Variants in EIF4G3 observed in about 807,000 individuals in gnomAD.
EIF4G3 encodes eukaryotic translation initiation factor 4 gamma 3.
Under a neutral mutation model 186.4 loss-of-function variants are expected in EIF4G3, and 34 were observed. That is an observed-to-expected ratio of 0.18 (90% CI 0.14 to 0.24). EIF4G3 has a LOEUF of 0.24. Ranked by LOEUF, EIF4G3 falls within the 10% of genes least tolerant of loss-of-function variation. The pLI is 1.00. For synonymous variants in EIF4G3, 673 were observed against 679.5 expected (o/e 0.99, Z 0.15); for missense variants, 1,536 against 1,948.5 (o/e 0.79, Z 3.99).
In EIF4G3 at chr1:21,167,409, C is replaced by T. The variant is rs1180939445; in HGVS notation, c.-272+8766G>A. On this transcript the variant is annotated intron_variant, in intron 2 of 36. Transcript: ENST00000602326. ...AAATGCCAGACGCGATGGCTCACGC[C>T]TGTAATCCCAGCACTTTGGGAAGCT... is the stretch of plus-strand genomic sequence containing the variant. Among the ~76,000 whole-genome samples, 3 of 152,168 alleles carry T rather than the reference C, an allele frequency of 2.0e-5. No homozygotes were observed. The East Asian group carries it at 5.8e-4, about 29-fold the overall frequency.
chr1:21,159,903 C>T (rs1045215417), intron 2 of EIF4G3, among the ~76,000 whole-genome samples: 3 of 151,952 alleles, frequency 2.0e-5, no homozygotes, highest in African/African-American at 7.3e-5. Context: ...GTCAGGAGTT[C>T]AAGACCAGCC....
chr1:20,852,929 G>A (rs187669924), intron 27 of EIF4G3, among the ~76,000 whole-genome samples: 76 of 152,038 alleles, frequency 5.0e-4, no homozygotes, highest in African/African-American at 1.8e-3. Context: ...GAGACCAGGA[G>A]TTCAATGCCA....
intron 16 of EIF4G3, 50 bp downstream of exon 16, chr1:20,899,647 G>C (rs1572410258): frequency 1.3e-6 from 2 of 1,594,746 alleles, no homozygotes; most frequent in African/African-American, 1.4e-5. Context: ...TTTCTCTAAG[G>C]TTGCAGTAGA....
intron 3 of EIF4G3, among the ~76,000 whole-genome samples, chr1:21,067,131 C>CTTTTTTTTTT (rs1392802757): frequency 8.2e-6 from 1 of 122,654 alleles, no homozygotes; most frequent in Non-Finnish European, 1.7e-5. Flanking sequence ...TTTTTCTTTT[C>CTTTTTTTTTT]TTTTTTTTTT....
chr1:21,108,676 A>G (rs2096660044), intron 2 of EIF4G3, among the ~76,000 whole-genome samples: 1 of 148,684 alleles, frequency 6.7e-6, no homozygotes, highest in African/African-American at 2.5e-5. Flanking sequence ...GGCCAAGGCA[A>G]GCAGATTACC....
At chr1:20,979,073 C>T (rs139320757) in intron 10 of EIF4G3, among the ~76,000 whole-genome samples, 3 of 152,258 alleles carry the variant, frequency 2.0e-5, no homozygotes, top group Admixed American at 6.5e-5. Flanking sequence ...CAGATCAATG[C>T]TTACTGAATC....
At chr1:21,010,927 T>G (rs1206765582) in intron 4 of EIF4G3, among the ~76,000 whole-genome samples, 3 of 152,212 alleles carry the variant, frequency 2.0e-5, no homozygotes. Flanking sequence ...ATTATCACAG[T>G]GTGGTCCACA....
At chr1:21,057,380 G>C (rs1221709040) in intron 3 of EIF4G3, among the ~76,000 whole-genome samples, 3 of 152,078 alleles carry the variant, frequency 2.0e-5, no homozygotes, top group Non-Finnish European at 4.4e-5. Flanking sequence ...AAATGGTACT[G>C]AGTAAAAGAT....
At chr1:20,847,823 T>C (rs547951096) in intron 29 of EIF4G3, 49 of 471,672 alleles carry the variant, frequency 1.0e-4, no homozygotes, top group Non-Finnish European at 1.8e-4. Context: ...TCACTCATCA[T>C]CAAAAACTTC....
At chr1:20,854,662 G>A (rs2074348436) in intron 26 of EIF4G3, among the ~76,000 whole-genome samples, 1 of 151,490 alleles carries the variant, frequency 6.6e-6, no homozygotes, top group Admixed American at 6.6e-5. Flanking sequence ...TTGTGATCAT[G>A]CCACTACACT....
chr1:21,048,094 G>C (rs946497096), intron 4 of EIF4G3, among the ~76,000 whole-genome samples: 1 of 152,162 alleles, frequency 6.6e-6, no homozygotes, highest in Middle Eastern at 3.2e-3. Flanking sequence ...AAAGGCACCT[G>C]GTAAAATGGC....
chr1:21,176,278 CCGG>C lies in EIF4G3; in HGVS notation c.-378_-376del, dbSNP rs2098105740. On this transcript the variant is annotated 5_prime_UTR_variant, in exon 2 of 37. Transcript: ENST00000602326. ...GCCGCCGCCGCCGCTGCTGCCGCCGCCGGGTGAGGAGGCGGTACCGCTGCTGCC... is the reference window on the plus strand; with the variant it reads ...GCCGCCGCCGCCGCTGCTGCCGCCGCGTGAGGAGGCGGTACCGCTGCTGCC... 2.9e-6 allele frequency: 1 copy of C among 349,388 alleles called. No homozygotes were observed. The highest frequency in any genetic ancestry group is 4.9e-6 in the Non-Finnish European group (1 of 202,124). 21.6% of individuals were successfully genotyped at this position (349,388 alleles called of 1,614,324 possible).
intron 3 of EIF4G3, among the ~76,000 whole-genome samples, chr1:21,087,075 C>T (rs1313525719): frequency 6.6e-6 from 1 of 152,066 alleles, no homozygotes; most frequent in Admixed American, 6.6e-5. Flanking sequence ...AAGTGATTCA[C>T]AACCCAAAAT....
rs1021897446 is a variant in EIF4G3, at chr1:21,160,070, G to A, written c.-272+16105C>T. On this transcript the variant is annotated intron_variant, in intron 2 of 36. Transcript: ENST00000602326. The stretch of plus-strand genomic sequence containing the variant: ...TGCAGTGAGCCGAAATTGTGCTATT[G>A]CACTCCAGCTTGGGCAGCAAGAGCG... 4.7e-5 allele frequency among the ~76,000 whole-genome samples: 7 copies of A among 148,804 alleles called. No homozygotes were observed. The East Asian group carries it at 1.4e-3, about 29-fold the overall frequency.
intron 4 of EIF4G3, among the ~76,000 whole-genome samples, chr1:21,022,145 T>C (rs1211975598): frequency 6.6e-6 from 1 of 152,186 alleles, no homozygotes; most frequent in East Asian, 1.9e-4. Context: ...TTATGGATAA[T>C]TTAAAGGCTA....
intron 7 of EIF4G3, among the ~76,000 whole-genome samples, chr1:20,990,929 T>C (rs2080958729): frequency 1.3e-5 from 2 of 152,236 alleles, no homozygotes; most frequent in Non-Finnish European, 2.9e-5. Context: ...GTCAGCCTAC[T>C]AGAAGATGAA....
intron 2 of EIF4G3, among the ~76,000 whole-genome samples, chr1:21,094,234 G>C (rs200865791): frequency 3.3e-5 from 5 of 151,522 alleles, no homozygotes; most frequent in African/African-American, 9.7e-5. Flanking sequence ...TCTAGAACTA[G>C]AAATACCATT....
At chr1:21,170,507 C>T (rs1306296682) in intron 2 of EIF4G3, among the ~76,000 whole-genome samples, 1 of 150,744 alleles carries the variant, frequency 6.6e-6, no homozygotes, top group Non-Finnish European at 1.5e-5. Flanking sequence ...CCCACCTGTA[C>T]CCCACATACA....
In EIF4G3 at chr1:20,893,642, TG is replaced by T; in HGVS notation, c.2134-7del. 6.5e-7 allele frequency: 1 copy of T among 1,545,190 alleles called. No homozygotes were observed. The highest frequency in any genetic ancestry group is 8.8e-7 in the Non-Finnish European group (1 of 1,133,460). On this transcript the variant is annotated splice_polypyrimidine_tract_variant and splice_region_variant and intron_variant, in intron 17 of 36. Transcript: ENST00000602326. The stretch of plus-strand genomic sequence containing the variant: ...GGCAATTTGGGTTGGTTGATCTGCA[TG>T]AAAAAGCAAAAGAAAGCTTAATACA...
Sources: allele counts gnomAD v4.1 joint callset (sites outside exome capture counted in the v4.1 genomes callset), GRCh38; gene constraint gnomAD v4.1.1; transcripts MANE v1.5; gene names NCBI Gene and HGNC (gene_info 2026-07-23, HGNC 2026-07-21).